The following AGBL4 variants were observed in gnomAD, a reference collection of about 807,000 sequenced individuals.
AGBL4 encodes AGBL carboxypeptidase 4, also known as cytosolic carboxypeptidase 6.
In AGBL4, 58 loss-of-function variants were observed where a neutral mutation model predicts 66.4. The observed-to-expected ratio is 0.87, with a 90% CI of 0.71 to 1.09. The LOEUF is 1.09. AGBL4 is among the 50% of genes least tolerant of loss of function. AGBL4 has a pLI of 0.00. For synonymous variants in AGBL4, 234 were observed against 222.9 expected, an observed-to-expected ratio of 1.05 and a Z score of -0.44; for missense variants, 579 against 631.0, an observed-to-expected ratio of 0.92 and a Z score of 0.88.
chr1:49,083,369 A>C (rs780779933), intron 4 of AGBL4, among the ~76,000 whole-genome samples: 5 of 152,158 alleles, frequency 3.3e-5, no homozygotes, highest in Non-Finnish European at 7.4e-5. Flanking sequence ...GCATTTCCAT[A>C]CATCCTGTGA....
intron 3 of AGBL4, among the ~76,000 whole-genome samples, chr1:49,560,259 T>TA (rs1644005177): frequency 6.6e-6 from 1 of 152,026 alleles, no homozygotes; most frequent in Admixed American, 6.6e-5. Context: ...TTTCATCAGA[T>TA]AAACTAAATA....
intron 5 of AGBL4, among the ~76,000 whole-genome samples, chr1:48,932,804 A>AT (rs140759543): frequency 2.6e-5 from 4 of 151,280 alleles, no homozygotes; most frequent in African/African-American, 9.7e-5. Flanking sequence ...TCTTCAGGTA[A>AT]TTTTTTTTTA....
At position 49,172,436 on chromosome 1, in the gene AGBL4, G is replaced by T. The variant is rs1285530964; in HGVS notation, c.377+73334C>A. On this transcript the variant is annotated intron_variant, in intron 4 of 13. Coordinates refer to ENST00000371839, the MANE Select transcript of AGBL4 (RefSeq NM_032785.4). Reference sequence around the variant, plus strand: ...GTGGCAAGGAAAGCTTCCCTGAGAAGATTATGCTACATCAGAAGCTTTATG... The same window carrying T: ...GTGGCAAGGAAAGCTTCCCTGAGAATATTATGCTACATCAGAAGCTTTATG... Among the ~76,000 whole-genome samples the T allele has an allele frequency of 2.0e-5, 3 of 152,284 alleles. No individual in the cohort carries two copies. In the East Asian group the frequency reaches 5.8e-4, roughly 29 times the overall value.
intron 1 of AGBL4, among the ~76,000 whole-genome samples, chr1:49,961,982 T>C (rs947149820): frequency 6.6e-6 from 1 of 152,158 alleles, no homozygotes; most frequent in African/African-American, 2.4e-5. Flanking sequence ...AAGTACCAAT[T>C]ATATTTTGTG....
intron 6 of AGBL4, chr1:48,759,357 C>T (rs1644132315): frequency 7.4e-6 from 11 of 1,496,474 alleles, no homozygotes; most frequent in Non-Finnish European, 8.9e-6. Flanking sequence ...CAATATTTCC[C>T]CAGACAATCC....
At chr1:49,847,035 T>C (rs1646165309) in intron 2 of AGBL4, among the ~76,000 whole-genome samples, 1 of 152,224 alleles carries the variant, frequency 6.6e-6, no homozygotes, top group African/African-American at 2.4e-5. Flanking sequence ...TTACACATAC[T>C]ACAAGGCTTT....
intron 3 of AGBL4, among the ~76,000 whole-genome samples, chr1:49,258,369 G>A (rs1014972996): frequency 2.0e-5 from 3 of 152,068 alleles, no homozygotes; most frequent in Non-Finnish European, 4.4e-5. Context: ...AGCTACAGAA[G>A]GAAATTCGAA....
intron 4 of AGBL4, among the ~76,000 whole-genome samples, chr1:49,114,039 A>T (rs1415574881): frequency 6.6e-6 from 1 of 152,202 alleles, no homozygotes; most frequent in Non-Finnish European, 1.5e-5. Context: ...TTAGCTCCTC[A>T]CAAGAGAGTC....
chr1:49,444,979 A>G lies in AGBL4; in HGVS notation c.283-199115T>C, dbSNP rs12033262. 8.0e-3 allele frequency among the ~76,000 whole-genome samples: 1,208 copies of G among 150,794 alleles called. 9 individuals carry two copies. The highest frequency in any genetic ancestry group is 0.031 in the Middle Eastern group (9 of 292). ...TCTTTTTTTACTTTGATGTGTTTTC[A>G]TGATGGCAAAAGTAGTCCCTTCATT... is the stretch of plus-strand genomic sequence containing the variant. On this transcript the variant is annotated intron_variant, in intron 3 of 13. Coordinates refer to ENST00000371839, the MANE Select transcript of AGBL4 (RefSeq NM_032785.4).
At chr1:49,436,246 G>A (rs978538414) in intron 3 of AGBL4, among the ~76,000 whole-genome samples, 5 of 152,000 alleles carry the variant, frequency 3.3e-5, no homozygotes, top group Admixed American at 6.6e-5. Flanking sequence ...TCTAGAAGTC[G>A]GTAAGTATAA....
chr1:48,569,835 A>C (rs962054855), intron 11 of AGBL4, among the ~76,000 whole-genome samples: 1 of 151,944 alleles, frequency 6.6e-6, no homozygotes, highest in African/African-American at 2.4e-5. Flanking sequence ...CCATAATGCC[A>C]CTCTTTTGGG....
At chr1:49,594,594 C>T (rs776195581) in intron 3 of AGBL4, among the ~76,000 whole-genome samples, 11 of 152,188 alleles carry the variant, frequency 7.2e-5, no homozygotes, top group Non-Finnish European at 1.6e-4. Flanking sequence ...CCAACTCCCA[C>T]TTACAAGTGA....
chr1:49,696,438 C>T (rs1368233585), intron 3 of AGBL4, among the ~76,000 whole-genome samples: 1 of 151,864 alleles, frequency 6.6e-6, no homozygotes, highest in Admixed American at 6.6e-5. Context: ...GTTGAGAATC[C>T]CTCATCTGGA....
chr1:49,733,840 A>G (rs1230827949), intron 2 of AGBL4, among the ~76,000 whole-genome samples: 1 of 152,192 alleles, frequency 6.6e-6, no homozygotes, highest in East Asian at 1.9e-4. Context: ...GAAAACTAAT[A>G]ACTAATATGC....
At chr1:49,058,231 C>A (rs1644340398) in intron 4 of AGBL4, among the ~76,000 whole-genome samples, 1 of 152,108 alleles carries the variant, frequency 6.6e-6, no homozygotes, top group African/African-American at 2.4e-5. Flanking sequence ...GTGTCCCCAC[C>A]CAAATTTCAT....
At chr1:49,274,713 A>G (rs967143330) in intron 3 of AGBL4, among the ~76,000 whole-genome samples, 1 of 152,156 alleles carries the variant, frequency 6.6e-6, no homozygotes, top group Admixed American at 6.6e-5. Flanking sequence ...TTTAGAAATC[A>G]TACTATTGGA....
intron 3 of AGBL4, among the ~76,000 whole-genome samples, chr1:49,434,551 G>C (rs1300727133): frequency 2.6e-5 from 4 of 152,100 alleles, no homozygotes; most frequent in Non-Finnish European, 5.9e-5. Flanking sequence ...AAACATGAAA[G>C]GTTATTCATG....
chr1:48,927,043 G>C lies in AGBL4; in HGVS notation c.595-59813C>G, dbSNP rs1654636327. ...CCTTTATTACCTTTTGCCTTTGTCT[G>C]TATCATTATGTACCTGGTCCATCTT... On this transcript the variant is annotated intron_variant, in intron 5 of 13. Coordinates refer to ENST00000371839, the MANE Select transcript of AGBL4 (RefSeq NM_032785.4). Among the ~76,000 whole-genome samples the C allele has an allele frequency of 2.0e-5, 3 of 151,962 alleles. No homozygotes were observed. The South Asian group carries it at 6.2e-4, about 32-fold the overall frequency.
At chr1:48,650,357 G>A (rs1645907058) in intron 8 of AGBL4, among the ~76,000 whole-genome samples, 1 of 152,152 alleles carries the variant, frequency 6.6e-6, no homozygotes, top group South Asian at 2.1e-4. Context: ...CAAAGACCTG[G>A]CCACCCGTCT....
Sources: gnomAD v4.1 joint callset for allele counts (sites outside exome capture counted in the v4.1 genomes callset) on GRCh38, gnomAD v4.1.1 for gene constraint, MANE v1.5 for transcripts, NCBI Gene and HGNC (gene_info 2026-07-23, HGNC 2026-07-21) for gene names.